SEZ6: variants seen among roughly 807,000 people sequenced by gnomAD.
SEZ6 encodes the protein seizure protein 6 homolog.
A neutral mutation model predicts 101.0 loss-of-function variants in SEZ6; 53 were observed. The observed-to-expected ratio is 0.52, with a 90% CI of 0.42 to 0.66. SEZ6 has a LOEUF of 0.66. Ranked by LOEUF, SEZ6 falls within the 30% of genes least tolerant of loss-of-function variation. SEZ6 has a pLI of 0.00. For synonymous variants in SEZ6, 488 were observed against 512.2 expected (o/e 0.95, Z 0.64); for missense variants, 1,102 against 1,289.4 (o/e 0.85, Z 2.23).
intron 10 of SEZ6, 129 bp from the exon 11 acceptor site, chr17:28,958,270 TC>T: frequency 9.5e-7 from 1 of 1,049,912 alleles, no homozygotes; most frequent in Non-Finnish European, 1.3e-6. Context: ...GGCTCAGGGA[TC>T]CATTCCTCCC....
At chr17:28,963,929 C>T in intron 5 of SEZ6, 33 bp downstream of exon 5, 1 of 1,561,660 alleles carries the variant, frequency 6.4e-7, no homozygotes, top group African/African-American at 1.7e-5. Context: ...CACTTCTCTG[C>T]TCAGCACTGA....
chr17:28,969,611 C>T, intron 4 of SEZ6, 146 bp downstream of exon 4: 2 of 736,196 alleles, frequency 2.7e-6, no homozygotes, highest in Admixed American at 8.6e-5. Context: ...CTCCAATTGT[C>T]CAGAGCTTCA....
intron 1 of SEZ6, among the ~76,000 whole-genome samples, chr17:29,003,456 A>C (rs914501837): frequency 1.3e-5 from 2 of 152,242 alleles, no homozygotes; most frequent in African/African-American, 4.8e-5. Context: ...GCCTGGCTAC[A>C]TCCTGCAGTC....
At chr17:28,963,418 A>C (rs1282784265) in intron 5 of SEZ6, among the ~76,000 whole-genome samples, 2 of 152,122 alleles carry the variant, frequency 1.3e-5, no homozygotes, top group Non-Finnish European at 2.9e-5. Context: ...ACAGCTCCTC[A>C]GCCTGTATCT....
chr17:28,960,660 C>A lies in SEZ6; in HGVS notation c.1421G>T (p.Arg474Leu). 6.2e-7 allele frequency: 1 copy of A among 1,606,074 alleles called. No individual in the cohort carries two copies. The highest frequency in any genetic ancestry group is 1.7e-5 in the Admixed American group (1 of 58,434). The change falls in exon 7 of 17, where the codon CGC becomes CTC. Residue 474 changes from arginine to leucine, a missense_variant. Coordinates refer to ENST00000317338, the MANE Select transcript of SEZ6 (RefSeq NM_178860.5). ...LAEDDDRLIIRNGDNVEAPPV... is the reference protein window; with the variant it reads ...LAEDDDRLIILNGDNVEAPPV... ...TGGGGCCTCCACGTTGTCCCCATTG[C>A]GAATGATGAGCCTGAACCAGGAGAG...
At chr17:28,964,750 T>C (rs2152685047) in intron 4 of SEZ6, among the ~76,000 whole-genome samples, 1 of 152,356 alleles carries the variant, frequency 6.6e-6, no homozygotes, top group East Asian at 1.9e-4. Context: ...CCAATGGCCA[T>C]GGACTTCTTT....
chr17:28,957,852 T>C (rs1001954782), intron 11 of SEZ6, 95 bp downstream of exon 11: 16 of 1,367,584 alleles, frequency 1.2e-5, no homozygotes, highest in Non-Finnish European at 1.6e-5. Context: ...ACTTTGAAGA[T>C]ACTAGCTAAT....
At chr17:28,988,125 C>T (rs1329313109) in intron 1 of SEZ6, among the ~76,000 whole-genome samples, 2 of 152,192 alleles carry the variant, frequency 1.3e-5, no homozygotes, top group African/African-American at 4.8e-5. Context: ...GTGCCTTCCC[C>T]GTTTTGGCCC....
At chr17:28,968,703 C>T (rs1361591351) in intron 4 of SEZ6, among the ~76,000 whole-genome samples, 1 of 152,174 alleles carries the variant, frequency 6.6e-6, no homozygotes, top group Non-Finnish European at 1.5e-5. Context: ...GGGTTCCAAG[C>T]AGCCCCATCT....
At chr17:28,962,056 A>T (rs2040986496) in intron 5 of SEZ6, among the ~76,000 whole-genome samples, 1 of 152,100 alleles carries the variant, frequency 6.6e-6, no homozygotes, top group South Asian at 2.1e-4. Flanking sequence ...TACCCTCAGG[A>T]TAGAGTTAAA....
rs1215304994 is a variant in SEZ6 at position 29,005,919 on chromosome 17, G to C, written c.-50C>G. 1.1e-5 allele frequency: 15 copies of C among 1,374,886 alleles called. No homozygotes were observed. The highest frequency in any genetic ancestry group is 1.4e-5 in the Non-Finnish European group (15 of 1,056,342). The allele number at this position is 1,374,886 out of a possible 1,614,324, so 85.2% of individuals were successfully genotyped here. ...GGCTGGGACCGCGGCGGGAGGGCGG[G>C]GGGCTTGGTGGGGCTTGGGCGCGGG... is the stretch of plus-strand genomic sequence containing the variant. On this transcript the variant is annotated 5_prime_UTR_variant, in exon 1 of 17. Transcript: ENST00000317338. This position sits in a 1 kb window ranked among gnomAD's most constrained non-coding sequence, Gnocchi z 4.8.
chr17:28,959,563 G>A lies in SEZ6; in HGVS notation c.1772-91C>T. Reference sequence around the variant, plus strand: ...CGCAGGAGTGCCCACAAATTGCTGGGACCCCCCACCTCCTCCTTGGAGGAA... The same window carrying A: ...CGCAGGAGTGCCCACAAATTGCTGGAACCCCCCACCTCCTCCTTGGAGGAA... On this transcript the variant is annotated intron_variant, in intron 8 of 16. Transcript: ENST00000317338. This position sits in a 1 kb window ranked among gnomAD's most constrained non-coding sequence, Gnocchi z 4.4. 5.8e-6 allele frequency: 9 copies of A among 1,559,762 alleles called. No individual in the cohort carries two copies. Among genetic ancestry groups the A allele is most frequent in the Non-Finnish European group, 7.8e-6 (9 of 1,154,462 alleles).
chr17:28,969,495 A>G (rs1184157780), intron 4 of SEZ6, among the ~76,000 whole-genome samples: 2 of 152,222 alleles, frequency 1.3e-5, no homozygotes, highest in African/African-American at 4.8e-5. Flanking sequence ...AATGAGGGAC[A>G]ACGGGCACAC....
At position 28,959,810 on chromosome 17, in the gene SEZ6, G is replaced by A; in HGVS notation, c.1659C>T (p.Thr553=). 2.5e-6 allele frequency: 4 copies of A among 1,613,902 alleles called. No homozygotes were observed. The highest frequency in any genetic ancestry group is 3.4e-6 in the Non-Finnish European group (4 of 1,179,846). The part of the protein sequence containing the change: ...SSSTPTYPVG[T]TVEFSCDPGY... The stretch of plus-strand genomic sequence containing the variant: ...CAGGGTCGCAGCTGAACTCCACAGT[G>A]GTACCCACAGGGTAGGTGGGTGTGC... The change falls in exon 8 of 17, where the codon ACC becomes ACT. Residue 553 remains threonine (T), a synonymous_variant. Coordinates refer to ENST00000317338, the MANE Select transcript of SEZ6 (RefSeq NM_178860.5). The surrounding 1 kb of genome is among the most constrained non-coding windows in gnomAD (Gnocchi z 4.4).
At chr17:28,980,192 A>C (rs538722033) in intron 2 of SEZ6, among the ~76,000 whole-genome samples, 1 of 143,662 alleles carries the variant, frequency 7.0e-6, no homozygotes, top group African/African-American at 2.7e-5. Flanking sequence ...TAGCTCAATG[A>C]GGTTTGTTTT....
At chr17:28,989,052 C>G (rs1215971697) in intron 1 of SEZ6, among the ~76,000 whole-genome samples, 2 of 152,138 alleles carry the variant, frequency 1.3e-5, no homozygotes, top group Admixed American at 1.3e-4. Context: ...GAGTTGGGGT[C>G]TCACTGTCAC....
chr17:28,975,859 A>G (rs2041213647), intron 3 of SEZ6, among the ~76,000 whole-genome samples: 1 of 152,226 alleles, frequency 6.6e-6, no homozygotes, highest in African/African-American at 2.4e-5. Context: ...TGGTACAGAG[A>G]GCAGCCAAGC....
intron 1 of SEZ6, among the ~76,000 whole-genome samples, chr17:29,003,295 C>A (rs1336793158): frequency 6.6e-6 from 1 of 152,228 alleles, no homozygotes; most frequent in Non-Finnish European, 1.5e-5. Context: ...CCCCGTGGCC[C>A]AAGACGCCCC....
chr17:28,957,638 G>T, intron 11 of SEZ6, 99 bp from the exon 12 acceptor site: 3 of 1,308,346 alleles, frequency 2.3e-6, no homozygotes, highest in Middle Eastern at 2.3e-4. Flanking sequence ...TCTTCATGTC[G>T]TATGGGTCTA....
Sources: allele counts gnomAD v4.1 joint callset (sites outside exome capture counted in the v4.1 genomes callset), GRCh38; gene constraint gnomAD v4.1.1; non-coding constraint Gnocchi (gnomAD v3.1); transcripts MANE v1.5; gene names NCBI Gene and HGNC (gene_info 2026-07-23, HGNC 2026-07-21).